The following CDH4 variants were observed in gnomAD, a reference collection of about 807,000 sequenced individuals.
The protein encoded by CDH4 is cadherin-4.
Under a neutral mutation model 86.0 loss-of-function variants are expected in CDH4, and 33 were observed. The ratio of observed to expected loss-of-function variants is 0.38; its 90% CI spans 0.29 to 0.51. The LOEUF is 0.51. Among genes scored for constraint, CDH4 ranks in the 20% least tolerant of loss-of-function variants. The probability of loss-of-function intolerance (pLI) is 0.86; values close to 1 mark genes in which losing one functional copy is unlikely to be tolerated. For synonymous variants in CDH4, 555 were observed against 549.4 expected (o/e 1.01, Z -0.14); for missense variants, 1,114 against 1,307.4 (o/e 0.85, Z 2.28).
intron 4 of CDH4, among the ~76,000 whole-genome samples, chr20:61,788,929 C>T (rs1454834947): frequency 6.6e-6 from 1 of 152,226 alleles, no homozygotes; most frequent in Non-Finnish European, 1.5e-5. Flanking sequence ...GTTTCCACTT[C>T]CCTAGTGGTG....
At chr20:61,311,193 ACACCCACACC>A (rs2084443715) in intron 2 of CDH4, among the ~76,000 whole-genome samples, 1 of 152,092 alleles carries the variant, frequency 6.6e-6, no homozygotes, top group African/African-American at 2.4e-5. Flanking sequence ...CATTAAACAC[ACACCCACACC>A]CACACACACC....
Position 61,320,178 on chromosome 20 carries a change from T to C in CDH4, c.169+65241T>C, listed in dbSNP as rs2084500397. Among the ~76,000 whole-genome samples the C allele has an allele frequency of 2.0e-5, 3 of 152,190 alleles. No individual in the cohort carries two copies. The South Asian group carries it at 6.2e-4, about 32-fold the overall frequency. ...TCGGTGTTGCTGATGTTGCAGGGCC[T>C]ATGGATTTCCAGAAGAGCCTGAGGG... On this transcript the variant is annotated intron_variant, in intron 2 of 15. Coordinates refer to ENST00000614565, the MANE Select transcript of CDH4 (RefSeq NM_001794.5).
At chr20:61,679,106 G>A (rs369935684) in intron 2 of CDH4, among the ~76,000 whole-genome samples, 1 of 152,172 alleles carries the variant, frequency 6.6e-6, no homozygotes, top group African/African-American at 2.4e-5. Flanking sequence ...CAGCACACAC[G>A]GTGACAAGGG....
At chr20:61,847,151 G>A (rs757342802) in intron 5 of CDH4, among the ~76,000 whole-genome samples, 1 of 152,224 alleles carries the variant, frequency 6.6e-6, no homozygotes, top group South Asian at 2.1e-4. Context: ...TCTCCTCCAT[G>A]GATTCTCACC....
rs952414922 is a variant in CDH4, at chr20:61,517,051, C to G, written c.170-226512C>G. On this transcript the variant is annotated intron_variant, in intron 2 of 15. Coordinates refer to ENST00000614565, the MANE Select transcript of CDH4 (RefSeq NM_001794.5). The surrounding 1 kb of genome is among the most constrained non-coding windows in gnomAD (Gnocchi z 6.6). ...ACTGCAGAGCCCAGTGTGGCCAGCA[C>G]CCAGCTTGAGTCACACTCCATCTGC... is the stretch of plus-strand genomic sequence containing the variant. 1.3e-5 allele frequency among the ~76,000 whole-genome samples: 2 copies of G among 152,186 alleles called. No homozygotes were observed. The highest frequency in any genetic ancestry group is 4.8e-5 in the African/African-American group (2 of 41,446).
intron 2 of CDH4, among the ~76,000 whole-genome samples, chr20:61,387,114 C>T (rs2084955677): frequency 6.6e-6 from 1 of 152,148 alleles, no homozygotes; most frequent in South Asian, 2.1e-4. Context: ...GAAAATCCTG[C>T]AGTTCAGGAT....
chr20:61,549,777 T>C (rs547917794), intron 2 of CDH4, among the ~76,000 whole-genome samples: 3 of 152,222 alleles, frequency 2.0e-5, no homozygotes, highest in African/African-American at 4.8e-5. Context: ...AGAGTCCAGA[T>C]ACATGAGCGC....
Position 61,254,944 on chromosome 20 carries a change from CG to C in CDH4, c.169+11del, listed in dbSNP as rs1404045773. ...GGGGAAAAGCTACTTCAAGGTAAGG[CG>C]GGGTGTGGAGGGGTGGGAGTGAATT... is the stretch of plus-strand genomic sequence containing the variant. On this transcript the variant is annotated splice_region_variant and intron_variant, in intron 2 of 15. Transcript: ENST00000614565. 4 of 1,466,842 alleles carry C rather than the reference CG, an allele frequency of 2.7e-6. No individual in the cohort carries two copies. In the African/African-American group the frequency reaches 4.2e-5, roughly 15 times the overall value. The allele number at this position is 1,466,842 out of a possible 1,614,324, so 90.9% of individuals were successfully genotyped here.
rs951937564 is a variant in CDH4, at chr20:61,829,174, C to T, written c.577-15494C>T. On this transcript the variant is annotated intron_variant, in intron 4 of 15. Coordinates refer to ENST00000614565, the MANE Select transcript of CDH4 (RefSeq NM_001794.5). The surrounding 1 kb of genome is among the most constrained non-coding windows in gnomAD (Gnocchi z 4.2). ...TAAGCAGTCGCTTCTCCTTCCCTGG[C>T]CTCGCCCCCAGCAGCCAATAACGTA... is the stretch of plus-strand genomic sequence containing the variant. Among the ~76,000 whole-genome samples the T allele has an allele frequency of 2.0e-5, 3 of 152,354 alleles. No individual in the cohort carries two copies. Among genetic ancestry groups the T allele is most frequent in the Middle Eastern group, 3.4e-3 (1 of 294 alleles).
At chr20:61,435,011 T>C (rs2085272755) in intron 2 of CDH4, 2 of 152,246 alleles carry the variant, frequency 1.3e-5, no homozygotes, top group Admixed American at 6.5e-5. Context: ...TGTCTTTCTT[T>C]TTCTTGGTAC....
intron 2 of CDH4, among the ~76,000 whole-genome samples, chr20:61,643,612 T>G (rs762478734): frequency 2.0e-5 from 3 of 152,208 alleles, no homozygotes; most frequent in Non-Finnish European, 2.9e-5. Context: ...GAACACAGCA[T>G]TTAGTGTAAT....
At chr20:61,804,807 G>A (rs1191663299) in intron 4 of CDH4, among the ~76,000 whole-genome samples, 1 of 152,202 alleles carries the variant, frequency 6.6e-6, no homozygotes, top group African/African-American at 2.4e-5. Flanking sequence ...GAACAGTCAG[G>A]ACTCATCTGT....
chr20:61,594,486 G>A (rs1203955305), intron 2 of CDH4, among the ~76,000 whole-genome samples: 8 of 152,294 alleles, frequency 5.3e-5, no homozygotes, highest in East Asian at 1.9e-4. Flanking sequence ...TCCCCTCAAC[G>A]TCAACAGCAG....
At chr20:61,778,151 C>T (rs1044684306) in intron 4 of CDH4, among the ~76,000 whole-genome samples, 4 of 152,184 alleles carry the variant, frequency 2.6e-5, no homozygotes, top group Admixed American at 2.6e-4. Context: ...GGGTGCTTTC[C>T]TGTCCCCATT....
At chr20:61,867,207 G>A (rs976587014) in intron 6 of CDH4, among the ~76,000 whole-genome samples, 2 of 152,220 alleles carry the variant, frequency 1.3e-5, no homozygotes, top group Non-Finnish European at 2.9e-5. Flanking sequence ...TGACACCCTG[G>A]CTTTGCCAGT....
chr20:61,254,342 TC>T (rs902312065), intron 1 of CDH4, among the ~76,000 whole-genome samples: 1 of 152,074 alleles, frequency 6.6e-6, no homozygotes. Flanking sequence ...CTCTTTCTCC[TC>T]CCTCCCGGTG....
rs541393250 is a variant in CDH4, at chr20:61,312,598, G to A, written c.169+57661G>A. On this transcript the variant is annotated intron_variant, in intron 2 of 15. Coordinates refer to ENST00000614565, the MANE Select transcript of CDH4 (RefSeq NM_001794.5). ...CCCCCTTCTTTGCTGAGGCCCAGCT[G>A]GGAGTGACTTTCTCGCTAGAGCCTG... Among the ~76,000 whole-genome samples, 3 of 152,262 alleles carry A rather than the reference G, an allele frequency of 2.0e-5. No homozygotes were observed. In the South Asian group the frequency reaches 6.2e-4, roughly 32 times the overall value.
chr20:61,876,148 G>A lies in CDH4; in HGVS notation c.1050+2248G>A, dbSNP rs75083306. ...TGTCCAAGGAGAGGACAGGACAGCC[G>A]AGCAAGGGTCAGGCCTGTGAGCGCC... On this transcript the variant is annotated intron_variant, in intron 7 of 15. Coordinates refer to ENST00000614565, the MANE Select transcript of CDH4 (RefSeq NM_001794.5). 9.1e-3 allele frequency among the ~76,000 whole-genome samples: 1,389 copies of A among 152,362 alleles called. 23 individuals are homozygous for A. Among genetic ancestry groups the A allele is most frequent in the African/African-American group, 0.032 (1,315 of 41,592 alleles).
At chr20:61,867,508 C>T (rs1003755083) in intron 6 of CDH4, among the ~76,000 whole-genome samples, 1 of 150,670 alleles carries the variant, frequency 6.6e-6, no homozygotes, top group Non-Finnish European at 1.5e-5. Flanking sequence ...AAAGATCATG[C>T]CACTGCCCTC....
Sources: allele counts gnomAD v4.1 joint callset (sites outside exome capture counted in the v4.1 genomes callset), GRCh38; gene constraint gnomAD v4.1.1; non-coding constraint Gnocchi (gnomAD v3.1); transcripts MANE v1.5; gene names NCBI Gene and HGNC (gene_info 2026-07-23, HGNC 2026-07-21).